The following ZNF215 variants were observed in gnomAD, a reference collection of about 807,000 sequenced individuals.
The protein encoded by ZNF215 is BWSCR2-associated zinc finger protein 2.
Under a neutral mutation model 27.2 loss-of-function variants are expected in ZNF215, and 24 were observed. That is an observed-to-expected ratio of 0.88 (90% confidence interval 0.64 to 1.24). The LOEUF (loss-of-function observed/expected upper bound fraction) is 1.24, where lower values mean the gene tolerates loss of function less well. ZNF215 is among the 50% of genes most tolerant of loss of function. The probability of loss-of-function intolerance (pLI) is 0.00; values close to 1 mark genes in which losing one functional copy is unlikely to be tolerated. For synonymous variants in ZNF215, 210 were observed against 204.0 expected (o/e 1.03, Z -0.25); for missense variants, 675 against 605.7 (o/e 1.11, Z -1.20).
rs138826804 is a variant in ZNF215, at chr11:6,970,086, T to C, written c.806-14043T>C. ...CGTGAGCCACTGTGCCTGGCCAGCA[T>C]TGGTATTTTGAAATATATATCACCC... On this transcript the variant is annotated intron_variant, in intron 5 of 5. Coordinates refer to the ZNF215 transcript ENST00000529903. Among the ~76,000 whole-genome samples, 366 of 142,996 alleles carry C rather than the reference T, an allele frequency of 2.6e-3. 2 individuals carry two copies. Among genetic ancestry groups the C allele is most frequent in the African/African-American group, 8.1e-3 (318 of 39,406 alleles). The allele number at this position is 142,996 out of a possible 152,430, so 93.8% of individuals were successfully genotyped here.
intron 4 of ZNF215, 55 bp from the exon 5 acceptor site, chr11:6,943,028 C>T: frequency 6.3e-7 from 1 of 1,580,082 alleles, no homozygotes; most frequent in Non-Finnish European, 8.6e-7. Flanking sequence ...CATTCCTTCT[C>T]TGGTAGTGTT....
intron 3 of ZNF215, among the ~76,000 whole-genome samples, chr11:6,938,961 AG>A (rs1473279494): frequency 6.6e-6 from 1 of 152,190 alleles, no homozygotes; most frequent in Non-Finnish European, 1.5e-5. Flanking sequence ...ACTTCACTAG[AG>A]CCACGATAGA....
In ZNF215 at chr11:6,956,059, T is replaced by G; in HGVS notation, c.1082T>G (p.Leu361Trp). 6.2e-7 allele frequency: 1 copy of G among 1,609,856 alleles called. No homozygotes were observed. The highest frequency in any genetic ancestry group is 8.5e-7 in the Non-Finnish European group (1 of 1,178,630). The change falls in exon 7 of 7, where the codon TTG (leucine) becomes TGG (tryptophan). Residue 361 changes from leucine (L) to tryptophan (W), a missense_variant. Transcript: ENST00000278319. Reference protein sequence around the residue: ...QHSEYEYGNDLSLSTDIRHQK... With the variant: ...QHSEYEYGNDWSLSTDIRHQK... ...TCAGAATATGAATATGGGAATGACT[T>G]GAGTTTGAGTACAGATATTCGACAC...
In ZNF215 at chr11:6,956,417, C is replaced by G; in HGVS notation, c.1440C>G (p.His480Gln). The G allele has an allele frequency of 1.9e-6, 3 of 1,614,088 alleles. No homozygotes were observed. Among genetic ancestry groups the G allele is most frequent in the Non-Finnish European group, 1.7e-6 (2 of 1,180,008 alleles). Residue 480 changes from histidine to glutamine, a missense_variant, in exon 7 of 7, where the codon CAC (histidine) becomes CAG (glutamine). Transcript: ENST00000278319. ...SFNRSSSLIRHQMIHTGEKPF... is the reference protein window; with the variant it reads ...SFNRSSSLIRQQMIHTGEKPF... Reference sequence around the variant, plus strand: ...ACCGGAGCTCCTCTCTTATTCGACACCAAATGATTCACACGGGAGAGAAAC... The same window carrying G: ...ACCGGAGCTCCTCTCTTATTCGACAGCAAATGATTCACACGGGAGAGAAAC...
At chr11:6,937,730 G>A (rs1034701061) in intron 3 of ZNF215, among the ~76,000 whole-genome samples, 43 of 152,044 alleles carry the variant, frequency 2.8e-4, no homozygotes, top group African/African-American at 8.7e-4. Context: ...TGACAAGGGT[G>A]TCAAGGCATT....
At chr11:6,987,218 C>T (rs2638093), downstream of ZNF215, among the ~76,000 whole-genome samples, 11,925 of 152,144 alleles carry the variant, frequency 0.078, 493 homozygotes, top group Non-Finnish European at 0.092. Flanking sequence ...TTATGTCTTT[C>T]GCAGCAACAT....
At chr11:6,985,338 C>T (rs568709414), downstream of ZNF215, among the ~76,000 whole-genome samples, 1 of 152,206 alleles carries the variant, frequency 6.6e-6, no homozygotes, top group South Asian at 2.1e-4. Flanking sequence ...TGATAACGTC[C>T]AATGTCCCTT....
chr11:6,933,744 G>A (rs940010120), intron 3 of ZNF215, among the ~76,000 whole-genome samples: 12 of 148,062 alleles, frequency 8.1e-5, no homozygotes, highest in African/African-American at 2.8e-4. Context: ...GCAGTGAGCC[G>A]AGATGGCGCC....
At chr11:6,979,714 A>G (rs749186841) in intron 5 of ZNF215, among the ~76,000 whole-genome samples, 4 of 152,086 alleles carry the variant, frequency 2.6e-5, no homozygotes, top group Non-Finnish European at 5.9e-5. Context: ...TAATTATAAT[A>G]AAATACTAAT....
chr11:6,992,983 G>A (rs1375046835), downstream of ZNF215, among the ~76,000 whole-genome samples: 1 of 152,194 alleles, frequency 6.6e-6, no homozygotes, highest in African/African-American at 2.4e-5. Flanking sequence ...AGAATGTCCA[G>A]ATGTCCCGGT....
intron 6 of ZNF215, among the ~76,000 whole-genome samples, chr11:6,951,434 A>C (rs2133269726): frequency 6.6e-6 from 1 of 152,298 alleles, no homozygotes; most frequent in East Asian, 1.9e-4. Context: ...CTGTTCAGAG[A>C]TTCAGCTTCT....
At chr11:6,941,041 T>G (rs753769527) in intron 3 of ZNF215, among the ~76,000 whole-genome samples, 7 of 152,164 alleles carry the variant, frequency 4.6e-5, no homozygotes, top group Non-Finnish European at 1.5e-5. Flanking sequence ...ATAAGAGAAT[T>G]GGTTGTCCCT....
At chr11:6,960,718 C>G (rs1850499495), downstream of ZNF215, among the ~76,000 whole-genome samples, 1 of 152,118 alleles carries the variant, frequency 6.6e-6, no homozygotes, top group Non-Finnish European at 1.5e-5. Context: ...CACTCTGGCA[C>G]TGTGGAATTA....
At chr11:6,954,680 C>G (rs567263748) in intron 6 of ZNF215, among the ~76,000 whole-genome samples, 2 of 152,212 alleles carry the variant, frequency 1.3e-5, no homozygotes, top group Non-Finnish European at 2.9e-5. Flanking sequence ...TGACCCCTTG[C>G]GCTTCCCGAG....
intron 6 of ZNF215, among the ~76,000 whole-genome samples, chr11:6,944,504 C>G (rs992844116): frequency 1.3e-5 from 2 of 151,754 alleles, no homozygotes; most frequent in Admixed American, 1.3e-4. Flanking sequence ...ATCCTCCTGC[C>G]TCAGCTTCTA....
chr11:6,953,598 G>A (rs1850183530), intron 6 of ZNF215, among the ~76,000 whole-genome samples: 1 of 152,098 alleles, frequency 6.6e-6, no homozygotes, highest in Non-Finnish European at 1.5e-5. Flanking sequence ...GCTACTCTAA[G>A]CACTTCTCTG....
chr11:6,977,763 A>C (rs779074452), intron 5 of ZNF215, among the ~76,000 whole-genome samples: 1 of 152,060 alleles, frequency 6.6e-6, no homozygotes, highest in South Asian at 2.1e-4. Flanking sequence ...CCAGTCTGTG[A>C]TATTTTGTGA....
chr11:6,966,378 T>C (rs1195516561), intron 5 of ZNF215, among the ~76,000 whole-genome samples: 1 of 152,116 alleles, frequency 6.6e-6, no homozygotes, highest in Non-Finnish European at 1.5e-5. Context: ...CATCAGGTAC[T>C]ATGCTTATTA....
At chr11:6,958,157 A>G (rs1278915753), downstream of ZNF215, 3 of 810,452 alleles carry the variant, frequency 3.7e-6, no homozygotes, top group Non-Finnish European at 4.5e-6. Context: ...GAGAAGCCTA[A>G]CAAGAGAAAA....
Sources: gnomAD v4.1 joint callset for allele counts (sites outside exome capture counted in the v4.1 genomes callset) on GRCh38, gnomAD v4.1.1 for gene constraint, MANE v1.5 for transcripts, NCBI Gene and HGNC (gene_info 2026-07-23, HGNC 2026-07-21) for gene names.